The following SH3GL3 variants were observed in gnomAD, a reference collection of about 807,000 sequenced individuals.
The protein encoded by SH3GL3 is endophilin-A3.
SH3GL3 carries 33 observed loss-of-function variants against 47.7 expected under a neutral mutation model. The ratio of observed to expected loss-of-function variants is 0.69; its 90% CI spans 0.52 to 0.92. The LOEUF (loss-of-function observed/expected upper bound fraction) is 0.92. Among genes scored for constraint, SH3GL3 ranks in the 40% least tolerant of loss-of-function variants. SH3GL3 has a pLI of 0.00. For missense variants in SH3GL3, 363 were observed against 417.8 expected (o/e 0.87, Z 1.14); for synonymous variants, 155 against 148.8 (o/e 1.04, Z -0.30).
intron 1 of SH3GL3, chr15:83,488,302 G>A (rs931586307): frequency 1.3e-5 from 2 of 152,230 alleles, no homozygotes; most frequent in African/African-American, 4.8e-5. Flanking sequence ...CCCAGGTGAG[G>A]AGGTTGCATG....
intron 1 of SH3GL3, among the ~76,000 whole-genome samples, chr15:83,516,579 C>T (rs533966330): frequency 1.2e-4 from 18 of 152,082 alleles, no homozygotes; most frequent in African/African-American, 3.6e-4. Context: ...CAGTGGAAGG[C>T]GAAGGAGCAG....
intron 1 of SH3GL3, among the ~76,000 whole-genome samples, chr15:83,519,825 T>G (rs975339359): frequency 3.9e-5 from 6 of 152,244 alleles, no homozygotes; most frequent in Non-Finnish European, 7.3e-5. Context: ...TTAGACATCT[T>G]TTTCAATCCC....
chr15:83,469,535 A>G (rs1199717215), intron 1 of SH3GL3, among the ~76,000 whole-genome samples: 1 of 152,164 alleles, frequency 6.6e-6, no homozygotes, highest in East Asian at 1.9e-4. Flanking sequence ...TTTTCATTCA[A>G]TTCAATGTAT....
chr15:83,522,334 T>TGGAATGAAC (rs1309443525), intron 1 of SH3GL3, among the ~76,000 whole-genome samples: 7 of 152,206 alleles, frequency 4.6e-5, no homozygotes, highest in Non-Finnish European at 8.8e-5. Flanking sequence ...TCTTTGGTAT[T>TGGAATGAAC]ATTTGCACTG....
intron 1 of SH3GL3, among the ~76,000 whole-genome samples, chr15:83,449,774 G>C (rs566968183): frequency 6.6e-6 from 1 of 151,268 alleles, no homozygotes; most frequent in African/African-American, 2.4e-5. Context: ...GAAAGGAGAG[G>C]CATCACAGAT....
chr15:83,492,348 G>T (rs1217549506), intron 1 of SH3GL3, among the ~76,000 whole-genome samples: 1 of 150,272 alleles, frequency 6.7e-6, no homozygotes, highest in Non-Finnish European at 1.5e-5. Flanking sequence ...AACACTATGG[G>T]AATGAAGTCC....
chr15:83,516,410 G>C (rs982864832), intron 1 of SH3GL3, among the ~76,000 whole-genome samples: 1 of 152,092 alleles, frequency 6.6e-6, no homozygotes, highest in African/African-American at 2.4e-5. Context: ...ACCTAAGTAG[G>C]TGTATTAGGC....
At chr15:83,556,167 A>C (rs1310263176) in intron 1 of SH3GL3, among the ~76,000 whole-genome samples, 1 of 121,182 alleles carries the variant, frequency 8.3e-6, no homozygotes, top group South Asian at 2.7e-4. Context: ...GGTGCCCTGT[A>C]GGAATCACGT....
At chr15:83,526,794 C>A (rs1449541082) in intron 1 of SH3GL3, among the ~76,000 whole-genome samples, 1 of 152,114 alleles carries the variant, frequency 6.6e-6, no homozygotes, top group Non-Finnish European at 1.5e-5. Flanking sequence ...CAAACCTGCA[C>A]ATGTACCCCT....
At chr15:83,625,198 T>A in the SH3GL3 span, among the ~76,000 whole-genome samples, 3 of 152,332 alleles carry the variant, frequency 2.0e-5, no homozygotes, top group African/African-American at 7.2e-5. Flanking sequence ...TTATTTACTT[T>A]ATATGCATTT....
chr15:83,479,310 G>C (rs2041235803), intron 1 of SH3GL3, among the ~76,000 whole-genome samples: 1 of 151,960 alleles, frequency 6.6e-6, no homozygotes, highest in Non-Finnish European at 1.5e-5. Context: ...ACCTCGATTT[G>C]TGTAGAGGTA....
At chr15:83,627,396 C>CAAAAA in the SH3GL3 span, among the ~76,000 whole-genome samples, 9 of 75,252 alleles carry the variant, frequency 1.2e-4, no homozygotes, top group Non-Finnish European at 1.4e-4. Flanking sequence ...GATGCCGTCT[C>CAAAAA]AAAAAAAAAA....
chr15:83,606,579 T>A lies in SH3GL3; in HGVS notation c.839-11503T>A, dbSNP rs562193689. Among the ~76,000 whole-genome samples the A allele has an allele frequency of 2.8e-4, 42 of 152,258 alleles. No homozygotes were observed. The South Asian group carries it at 8.7e-3, about 32-fold the overall frequency. On this transcript the variant is annotated intron_variant, in intron 8 of 8. Coordinates refer to ENST00000427482, the MANE Select transcript of SH3GL3 (RefSeq NM_003027.5). The stretch of plus-strand genomic sequence containing the variant: ...TCCTCCTCTTTTCTTCTATTCCCCT[T>A]CTCCACTAATAGCCTTCCCCCCAGA...
At chr15:83,525,341 A>T (rs896871088) in intron 1 of SH3GL3, among the ~76,000 whole-genome samples, 16 of 107,926 alleles carry the variant, frequency 1.5e-4, no homozygotes, top group African/African-American at 6.1e-4. Flanking sequence ...TTTAAATGAG[A>T]TTCTTTGTGC....
At chr15:83,525,844 T>C (rs534193515) in intron 1 of SH3GL3, among the ~76,000 whole-genome samples, 4 of 152,326 alleles carry the variant, frequency 2.6e-5, no homozygotes, top group Middle Eastern at 3.4e-3. Context: ...TATGTGGATT[T>C]ATTTCTGGGT....
Position 83,568,957 on chromosome 15 carries a change from C to T in SH3GL3, c.331+285C>T, listed in dbSNP as rs192095408. Among the ~76,000 whole-genome samples, 112 of 146,206 alleles carry T rather than the reference C, an allele frequency of 7.7e-4. No homozygotes were observed. Among genetic ancestry groups the T allele is most frequent in the Non-Finnish European group, 1.1e-3 (71 of 67,294 alleles). On this transcript the variant is annotated intron_variant, in intron 4 of 8. Coordinates refer to ENST00000427482, the MANE Select transcript of SH3GL3 (RefSeq NM_003027.5). ...CTATGCCCAGGCTGGAGTGCAGTGGCGCGATCTTGGCTCACTGCAGCCTCC... is the reference window on the plus strand; with the variant it reads ...CTATGCCCAGGCTGGAGTGCAGTGGTGCGATCTTGGCTCACTGCAGCCTCC...
At chr15:83,572,417 T>G (rs1018502239) in intron 4 of SH3GL3, 148 bp from the exon 5 acceptor site, 2 of 607,618 alleles carry the variant, frequency 3.3e-6, no homozygotes, top group Non-Finnish European at 2.8e-6. Flanking sequence ...TTTTTCTTTT[T>G]CATTCTGATC....
rs775215530 is a variant in SH3GL3, at chr15:83,618,251, T to C, written c.1008T>C (p.Ile336=). Residue 336 remains isoleucine, a synonymous_variant, in exon 9 of 9, where the codon ATT becomes ATC. Transcript: ENST00000427482. The part of the protein sequence containing the change: ...MIHGESGFFP[I]NYVEVIVPLP... ...ACGGAGAATCGGGATTCTTCCCCAT[T>C]AATTACGTGGAAGTGATCGTGCCTT... 21 of 1,611,868 alleles carry C rather than the reference T, an allele frequency of 1.3e-5. No individual in the cohort carries two copies. The Admixed American group carries it at 3.2e-4, about 24-fold the overall frequency.
Position 83,529,609 on chromosome 15 carries a change from T to G in SH3GL3, c.46-29644T>G, listed in dbSNP as rs113981171. 2.6e-3 allele frequency among the ~76,000 whole-genome samples: 396 copies of G among 151,286 alleles called. 2 individuals carry two copies. The highest frequency in any genetic ancestry group is 9.5e-3 in the African/African-American group (390 of 41,212). On this transcript the variant is annotated intron_variant, in intron 1 of 8. Coordinates refer to ENST00000427482, the MANE Select transcript of SH3GL3 (RefSeq NM_003027.5). ...GGTGGTCCTGTCCTTAACCTTCTGA[T>G]GGTATGCACGAGTGCAGGCTGTGGT...
Sources: gnomAD v4.1 joint callset for allele counts (sites outside exome capture counted in the v4.1 genomes callset) on GRCh38, gnomAD v4.1.1 for gene constraint, MANE v1.5 for transcripts, NCBI Gene and HGNC (gene_info 2026-07-23, HGNC 2026-07-21) for gene names.